The following PATJ variants were observed in gnomAD, a reference collection of about 807,000 sequenced individuals.
PATJ encodes the protein PATJ crumbs cell polarity complex component.
Under a neutral mutation model 224.9 loss-of-function variants are expected in PATJ, and 190 were observed. The ratio of observed to expected loss-of-function variants is 0.84; its 90% CI spans 0.75 to 0.95. PATJ has a LOEUF of 0.95. Among genes scored for constraint, PATJ ranks in the 40% least tolerant of loss-of-function variants. The pLI, the probability that PATJ is intolerant of heterozygous loss-of-function variation, is 0.00. For missense variants in PATJ, 2,121 were observed against 2,270.3 expected (o/e 0.93, Z 1.34); for synonymous variants, 769 against 820.3 (o/e 0.94, Z 1.07).
chr1:61,974,744 A>G lies in PATJ; in HGVS notation c.3671-15424A>G, dbSNP rs1644035938. Among the ~76,000 whole-genome samples, 2 of 152,048 alleles carry G rather than the reference A, an allele frequency of 1.3e-5. 1 individual carries two copies. Among genetic ancestry groups the G allele is most frequent in the African/African-American group, 4.8e-5 (2 of 41,326 alleles). ...AAAAATAATAATTTAAAAATAACTC[A>G]TTCTCTATCTCCTAGAAAAATGAGG... On this transcript the variant is annotated intron_variant, in intron 27 of 43. Coordinates refer to ENST00000642238, the MANE Select transcript of PATJ (RefSeq NM_001350145.3).
At chr1:61,756,788 C>T (rs1645670842) in intron 1 of PATJ, among the ~76,000 whole-genome samples, 1 of 151,832 alleles carries the variant, frequency 6.6e-6, no homozygotes, top group Non-Finnish European at 1.5e-5. Flanking sequence ...TCATATTGGC[C>T]AGGCTGGTCT....
At chr1:61,968,403 CTT>C (rs1057295256) in intron 27 of PATJ, among the ~76,000 whole-genome samples, 7 of 151,988 alleles carry the variant, frequency 4.6e-5, no homozygotes, top group Admixed American at 2.0e-4. Context: ...AAAATAGACT[CTT>C]ATGTTGTTTA....
intron 31 of PATJ, among the ~76,000 whole-genome samples, 155 bp downstream of exon 31, chr1:62,051,213 T>G (rs1229323334): frequency 2.0e-5 from 3 of 152,198 alleles, no homozygotes; most frequent in Non-Finnish European, 4.4e-5. Context: ...AGTGACCCAT[T>G]GACTCTGAAG....
chr1:61,949,370 G>A (rs1385806355), intron 27 of PATJ, among the ~76,000 whole-genome samples: 1 of 152,066 alleles, frequency 6.6e-6, no homozygotes, highest in African/African-American at 2.4e-5. Context: ...GTGGTGGGAA[G>A]TGGGAAGGTT....
intron 28 of PATJ, among the ~76,000 whole-genome samples, chr1:61,998,064 ATATATAT>A (rs1348250157): frequency 2.2e-5 from 3 of 136,016 alleles, no homozygotes; most frequent in Non-Finnish European, 4.6e-5. Flanking sequence ...TATATAATAA[ATATATAT>A]TATATAATAT....
intron 29 of PATJ, among the ~76,000 whole-genome samples, chr1:62,030,221 G>A (rs1648952311): frequency 1.3e-5 from 2 of 152,300 alleles, no homozygotes; most frequent in South Asian, 4.1e-4. Context: ...AACCGAGGAT[G>A]TAGCACCTGG....
At chr1:61,991,166 A>G (rs1203006655) in intron 28 of PATJ, among the ~76,000 whole-genome samples, 2 of 151,694 alleles carry the variant, frequency 1.3e-5, no homozygotes, top group Non-Finnish European at 2.9e-5. Context: ...TATTTATACT[A>G]CAAAATAAGA....
At chr1:61,922,099 G>A (rs1674419023) in intron 26 of PATJ, among the ~76,000 whole-genome samples, 1 of 151,974 alleles carries the variant, frequency 6.6e-6, no homozygotes, top group Admixed American at 6.6e-5. Flanking sequence ...TTGGAGTGCA[G>A]TAGTGCAATC....
At chr1:61,969,092 T>C (rs1416950722) in intron 27 of PATJ, among the ~76,000 whole-genome samples, 1 of 152,220 alleles carries the variant, frequency 6.6e-6, no homozygotes, top group Non-Finnish European at 1.5e-5. Context: ...TATTCCATTG[T>C]CTGTGTAGAC....
At chr1:62,117,550 T>A in intron 37 of PATJ, 1 of 268,790 alleles carries the variant, frequency 3.7e-6, no homozygotes, top group Non-Finnish European at 5.7e-6. Flanking sequence ...TGACCCTCAT[T>A]AGCACAACAT....
chr1:61,756,484 C>G (rs1050089552), intron 1 of PATJ, among the ~76,000 whole-genome samples: 12 of 151,516 alleles, frequency 7.9e-5, no homozygotes, highest in African/African-American at 2.9e-4. Flanking sequence ...TTAACAAGCC[C>G]TACAGGTGAT....
intron 43 of PATJ, among the ~76,000 whole-genome samples, chr1:62,155,689 AT>A (rs1231631237): frequency 9.9e-6 from 1 of 100,636 alleles, no homozygotes; most frequent in African/African-American, 4.0e-5. Flanking sequence ...AAAGCTCTGA[AT>A]TTAAAAAAAA....
intron 33 of PATJ, among the ~76,000 whole-genome samples, chr1:62,102,859 C>CAAAA (rs1162014751): frequency 1.7e-4 from 8 of 47,008 alleles, no homozygotes; most frequent in African/African-American, 2.8e-4. Context: ...TACCCTGTCT[C>CAAAA]AAAAAAAAAA....
intron 7 of PATJ, among the ~76,000 whole-genome samples, chr1:61,778,401 A>T (rs1308690023): frequency 6.6e-6 from 1 of 152,194 alleles, no homozygotes; most frequent in Non-Finnish European, 1.5e-5. Context: ...AGATCAGTGG[A>T]TTTTAATAAA....
At chr1:61,804,953 GTC>G (rs1361216292) in intron 12 of PATJ, among the ~76,000 whole-genome samples, 7 of 152,176 alleles carry the variant, frequency 4.6e-5, no homozygotes, top group African/African-American at 1.7e-4. Flanking sequence ...CATGTGAAAA[GTC>G]TGAATGTATT....
rs1182734057 is a variant in PATJ at position 62,017,987 on chromosome 1, C to G, written c.3959+40C>G. The G allele has an allele frequency of 8.5e-6, 9 of 1,064,972 alleles. 1 individual carries two copies. Among genetic ancestry groups the G allele is most frequent in the Non-Finnish European group, 1.3e-5 (9 of 679,058 alleles). 66.0% of individuals were successfully genotyped at this position (1,064,972 alleles called of 1,614,324 possible). ...TCTGGTTTTGCAAAATCAAAGACCTCTTCTGAAGATGTTATTAGTGTAAGA... is the reference window on the plus strand; with the variant it reads ...TCTGGTTTTGCAAAATCAAAGACCTGTTCTGAAGATGTTATTAGTGTAAGA... On this transcript the variant is annotated intron_variant, in intron 29 of 43. Transcript: ENST00000642238.
intron 17 of PATJ, among the ~76,000 whole-genome samples, chr1:61,837,630 A>G (rs933314102): frequency 2.6e-5 from 4 of 151,998 alleles, no homozygotes; most frequent in African/African-American, 9.7e-5. Context: ...CTGTACTAAA[A>G]AATACAAAAA....
Position 61,827,498 on chromosome 1 carries a change from C to T in PATJ, c.1895C>T (p.Thr632Ile). Residue 632 changes from threonine to isoleucine, a missense_variant, in exon 16 of 44, where the codon ACT (threonine) becomes ATT (isoleucine). Physicochemically the swap from Thr to Ile is moderately conservative, Grantham distance 89. Transcript: ENST00000642238. ...SFLKEVPPPF[T>I]LVCCRRLFDD... ...CTTAAAGAAGTGCCACCCCCTTTTA[C>T]TTTGGTTTGCTGTCGGAGGTTGTTT... 1 of 1,614,026 alleles carries T rather than the reference C, an allele frequency of 6.2e-7. No individual in the cohort carries two copies.
intron 30 of PATJ, among the ~76,000 whole-genome samples, chr1:62,049,980 G>T (rs1000727034): frequency 6.6e-6 from 1 of 151,976 alleles, no homozygotes; most frequent in African/African-American, 2.4e-5. Context: ...AGCCCGTGTG[G>T]TGGCATGCAC....
Sources: allele counts gnomAD v4.1 joint callset (sites outside exome capture counted in the v4.1 genomes callset), GRCh38; gene constraint gnomAD v4.1.1; transcripts MANE v1.5; gene names NCBI Gene and HGNC (gene_info 2026-07-23, HGNC 2026-07-21).